Variants in BAAT observed in about 807,000 individuals in gnomAD.
BAAT encodes bile acid CoA: amino acid N-acyltransferase (glycine N-choloyltransferase).
In BAAT, 13 loss-of-function variants were observed where a neutral mutation model predicts 18.9. That is an observed-to-expected ratio of 0.69 (90% CI 0.45 to 1.10). The LOEUF (loss-of-function observed/expected upper bound fraction) is 1.10, where lower values mean the gene tolerates loss of function less well. Ranked by LOEUF, BAAT falls within the 50% of genes least tolerant of loss-of-function variation. BAAT has a pLI of 0.00. For synonymous variants in BAAT, 170 were observed against 190.7 expected, an observed-to-expected ratio of 0.89 and a Z score of 0.89; for missense variants, 489 against 504.0, an observed-to-expected ratio of 0.97 and a Z score of 0.28.
chr9:101,381,597 C>T (rs915962604), intron 1 of BAAT, among the ~76,000 whole-genome samples: 1 of 151,886 alleles, frequency 6.6e-6, no homozygotes, highest in African/African-American at 2.4e-5. Flanking sequence ...ATTGAAAAAG[C>T]AAGTGGTTAT....
intron 1 of BAAT, among the ~76,000 whole-genome samples, chr9:101,383,221 TATC>T (rs1453039844): frequency 2.6e-5 from 4 of 152,188 alleles, no homozygotes; most frequent in Admixed American, 2.0e-4. Flanking sequence ...TTCAGCTCAA[TATC>T]ATCATAATAG....
Position 101,363,125 on chromosome 9 carries a change from A to G in BAAT, c.670-110T>C. 3.0e-6 allele frequency: 3 copies of G among 1,005,752 alleles called. No individual in the cohort carries two copies. The South Asian group carries it at 4.2e-5, about 14-fold the overall frequency. The allele number at this position is 1,005,752 out of a possible 1,614,324, so 62.3% of individuals were successfully genotyped here. A position where few individuals can be genotyped will look rare whatever the true frequency, so the allele number is the denominator to read the frequency against. ...GGCTAATGAGAACAAAGCAAGTATT[A>G]ATCCTACCCACATCCCTAGCTATAG... On this transcript the variant is annotated intron_variant, in intron 3 of 3. Transcript: ENST00000259407.
At chr9:101,375,892 G>C (rs1830035506) in intron 1 of BAAT, 1 of 152,446 alleles carries the variant, frequency 6.6e-6, no homozygotes. Context: ...CAAATTGTGA[G>C]CCTAAATTTT....
Position 101,371,053 on chromosome 9 carries a change from C to G in BAAT, c.352G>C (p.Val118Leu). The change falls in exon 2 of 4, where the codon GTT becomes CTT. Residue 118 changes from valine to leucine, a missense_variant. By Grantham distance (32) the Val-to-Leu change is conservative. Transcript: ENST00000259407. The stretch of plus-strand genomic sequence containing the variant: ...AGGCTGGCCTTTGGAGCACTGGCAA[C>G]TTTATTGTTCACTATTAACTCTAAG... ...YDLELIVNNKVASAPKASLTL... is the reference protein window; with the variant it reads ...YDLELIVNNKLASAPKASLTL... The G allele has an allele frequency of 1.2e-6, 2 of 1,614,106 alleles. No homozygotes were observed. The highest frequency in any genetic ancestry group is 1.7e-6 in the Non-Finnish European group (2 of 1,180,016).
chr9:101,373,726 A>G (rs1287119119), intron 1 of BAAT, among the ~76,000 whole-genome samples: 1 of 152,192 alleles, frequency 6.6e-6, no homozygotes, highest in Non-Finnish European at 1.5e-5. Context: ...TGAATTTGTC[A>G]TTATACTATA....
intron 1 of BAAT, among the ~76,000 whole-genome samples, chr9:101,373,389 C>T (rs1237877314): frequency 6.6e-6 from 1 of 152,090 alleles, no homozygotes; most frequent in Non-Finnish European, 1.5e-5. Context: ...TTCCAAAAAT[C>T]CCTTATCACT....
In BAAT at chr9:101,368,149, C is replaced by G. The variant is rs1222508560; in HGVS notation, c.640G>C (p.Ala214Pro). 1 of 1,614,004 alleles carries G rather than the reference C, an allele frequency of 6.2e-7. No homozygotes were observed. Among genetic ancestry groups the G allele is most frequent in the Non-Finnish European group, 8.5e-7 (1 of 1,179,998 alleles). ...GGATGTCTCAGGAGAAAGTTGGCAG[C>G]CTCCTCAAAATATTCCAAATCTGTT... The part of the protein sequence containing the change: ...EVTDLEYFEE[A>P]ANFLLRHPKV... Residue 214 changes from alanine (A) to proline (P), a missense_variant, in exon 3 of 4, where the codon GCT (alanine) becomes CCT (proline). Transcript: ENST00000259407.
chr9:101,370,060 T>C (rs1316145438), intron 2 of BAAT, among the ~76,000 whole-genome samples: 2 of 152,156 alleles, frequency 1.3e-5, no homozygotes, highest in Non-Finnish European at 2.9e-5. Flanking sequence ...CAGTCCATCT[T>C]ATCTCCAGCT....
At position 101,371,353 on chromosome 9, in the gene BAAT, G is replaced by A. The variant is rs778325649; in HGVS notation, c.52C>T (p.His18Tyr). 1.1e-5 allele frequency: 17 copies of A among 1,613,596 alleles called. No homozygotes were observed. The highest frequency in any genetic ancestry group is 1.4e-5 in the Non-Finnish European group (16 of 1,180,002). Residue 18 changes from histidine to tyrosine, a missense_variant, in exon 2 of 4, where the codon CAT becomes TAT. His to Tyr is a moderately conservative substitution (Grantham distance 83). Transcript: ENST00000259407. The part of the protein sequence containing the change: ...PVSALVDEPV[H>Y]IRATGLIPFQ... ...GGAATCAGGCCTGTAGCTCGGATAT[G>A]CACTGGCTCATCAACAAGTGCACTC...
At chr9:101,381,437 T>C (rs1257249550) in intron 1 of BAAT, among the ~76,000 whole-genome samples, 1 of 151,994 alleles carries the variant, frequency 6.6e-6, no homozygotes, top group Admixed American at 6.6e-5. Flanking sequence ...GGCAGAAGAA[T>C]TGCTTGAGCC....
intron 1 of BAAT, among the ~76,000 whole-genome samples, chr9:101,377,830 T>C (rs1487502991): frequency 6.6e-6 from 1 of 152,212 alleles, no homozygotes; most frequent in Non-Finnish European, 1.5e-5. Context: ...TGTTTGCAGA[T>C]GACATGATTC....
In BAAT at chr9:101,384,850, C is replaced by A. The variant is rs1830180676; in HGVS notation, c.-60+5G>T. Among the ~76,000 whole-genome samples the A allele has an allele frequency of 6.6e-6, 1 of 152,052 alleles. No homozygotes were observed. The highest frequency in any genetic ancestry group is 1.5e-5 in the Non-Finnish European group (1 of 68,018). ...TGGAAGTAAGTAAATGAAAAAAATA[C>A]ATACCTAGCAAGAGAACCTGCCCCC... is the stretch of plus-strand genomic sequence containing the variant. On this transcript the variant is annotated splice_donor_5th_base_variant and intron_variant, in intron 1 of 3. Coordinates refer to ENST00000259407, the MANE Select transcript of BAAT (RefSeq NM_001701.4).
intron 1 of BAAT, among the ~76,000 whole-genome samples, chr9:101,384,020 C>G: frequency 6.6e-6 from 1 of 152,118 alleles, no homozygotes; most frequent in East Asian, 1.9e-4. Flanking sequence ...AGCTACAGAA[C>G]GGAGTGTTAG....
At chr9:101,370,444 A>G (rs1829915966) in intron 2 of BAAT, among the ~76,000 whole-genome samples, 1 of 147,676 alleles carries the variant, frequency 6.8e-6, no homozygotes, top group South Asian at 2.1e-4. Flanking sequence ...CCTGCTGAGT[A>G]GCTGGGACTA....
In BAAT at chr9:101,362,563, G is replaced by C. The variant is rs1037131231; in HGVS notation, c.1122C>G (p.Ala374=). The C allele has an allele frequency of 1.9e-5, 31 of 1,614,000 alleles. No individual in the cohort carries two copies. Among genetic ancestry groups the C allele is most frequent in the Non-Finnish European group, 2.5e-5 (29 of 1,180,024 alleles). Residue 374 remains alanine, a synonymous_variant, in exon 4 of 4, where the codon GCC becomes GCG. Transcript: ENST00000259407. ...GTAACCTCAAATCGTGGGTCGTTGA[G>C]GCACAGCACAGAGGAGAATAGGGAG... ...IEPPYSPLCC[A]STTHDLRLHW...
At chr9:101,368,098 C>G (rs751100490) in intron 3 of BAAT, 22 bp downstream of exon 3, 1 of 1,604,956 alleles carries the variant, frequency 6.2e-7, no homozygotes, top group Non-Finnish European at 8.5e-7. Context: ...GGACTCAAAC[C>G]TACTGAAAAG....
intron 2 of BAAT, among the ~76,000 whole-genome samples, chr9:101,370,369 G>GT (rs1564055982): frequency 7.7e-6 from 1 of 130,294 alleles, no homozygotes; most frequent in Admixed American, 8.9e-5. Flanking sequence ...CTGGAGTGCA[G>GT]TATCAGGAAC....
rs1829759604 is a variant in BAAT, at chr9:101,362,822, T to A, written c.863A>T (p.Asn288Ile). The A allele has an allele frequency of 6.2e-7, 1 of 1,613,988 alleles. No homozygotes were observed. The highest frequency in any genetic ancestry group is 1.3e-5 in the African/African-American group (1 of 74,912). ...LPHSAQLIST[N>I]ALGLLELYRT... ...ATAGAGCTCTAGTAACCCCAAGGCA[T>A]TGGTGGATATTAATTGTGCAGAATG... The change falls in exon 4 of 4, where the codon AAT (asparagine) becomes ATT (isoleucine). Residue 288 changes from asparagine to isoleucine, a missense_variant. Physicochemically the swap from Asn to Ile is moderately radical, Grantham distance 149. Coordinates refer to ENST00000259407, the MANE Select transcript of BAAT (RefSeq NM_001701.4).
At position 101,362,705 on chromosome 9, in the gene BAAT, C is replaced by T. The variant is rs1490464683; in HGVS notation, c.980G>A (p.Gly327Asp). 6.2e-7 allele frequency: 1 copy of T among 1,614,186 alleles called. No homozygotes were observed. The highest frequency in any genetic ancestry group is 8.5e-7 in the Non-Finnish European group (1 of 1,180,022). Residue 327 changes from glycine (G) to aspartate (D), a missense_variant, in exon 4 of 4, where the codon GGT becomes GAT. Transcript: ENST00000259407. ...TGCTTTGCTGTTGATAGTCTTATCA[C>T]CTTCTCCTACAATGAAGAGGAATTG... ...QGQFLFIVGE[G>D]DKTINSKAHA...
Sources: allele counts gnomAD v4.1 joint callset (sites outside exome capture counted in the v4.1 genomes callset), GRCh38; gene constraint gnomAD v4.1.1; transcripts MANE v1.5; gene names NCBI Gene and HGNC (gene_info 2026-07-23, HGNC 2026-07-21).